RABGAP1: variants seen among roughly 807,000 people sequenced by gnomAD.
RABGAP1 encodes rab GTPase-activating protein 1.
In RABGAP1, 23 loss-of-function variants were observed where a neutral mutation model predicts 137.6. The observed-to-expected ratio is 0.17, with a 90% CI of 0.12 to 0.24. The LOEUF (loss-of-function observed/expected upper bound fraction) is 0.24. Ranked by LOEUF, RABGAP1 falls within the 10% of genes least tolerant of loss-of-function variation. The probability of loss-of-function intolerance (pLI) is 1.00; values close to 1 mark genes in which losing one functional copy is unlikely to be tolerated. For synonymous variants in RABGAP1, 451 were observed against 450.7 expected, an observed-to-expected ratio of 1.00 and a Z score of -0.01; for missense variants, 906 against 1,275.8, an observed-to-expected ratio of 0.71 and a Z score of 4.42.
upstream of RABGAP1, chr9:122,939,881 C>G (rs1833464384): frequency 6.6e-6 from 1 of 152,166 alleles, no homozygotes; most frequent in Non-Finnish European, 1.5e-5. Context: ...TCTGGTTGAT[C>G]GGGATGCATT....
At chr9:123,084,366 C>T (rs988515227) in intron 19 of RABGAP1, among the ~76,000 whole-genome samples, 13 of 152,150 alleles carry the variant, frequency 8.5e-5, no homozygotes, top group South Asian at 4.1e-4. Context: ...GCAATGAAGA[C>T]TTTGGAGTCA....
intron 21 of RABGAP1, among the ~76,000 whole-genome samples, chr9:123,092,729 T>G (rs2035067289): frequency 6.6e-6 from 1 of 152,218 alleles, no homozygotes; most frequent in Non-Finnish European, 1.5e-5. Context: ...TTTCTATATA[T>G]TATCAAATCC....
intron 12 of RABGAP1, among the ~76,000 whole-genome samples, chr9:123,018,234 C>G (rs1205794754): frequency 6.6e-6 from 1 of 152,028 alleles, no homozygotes; most frequent in Non-Finnish European, 1.5e-5. Flanking sequence ...GACCTCGTGA[C>G]AAGTTCATTT....
At chr9:123,060,176 C>T (rs142616050) in intron 13 of RABGAP1, among the ~76,000 whole-genome samples, 3 of 152,190 alleles carry the variant, frequency 2.0e-5, no homozygotes, top group Admixed American at 6.5e-5. Flanking sequence ...AATAAACATA[C>T]ACCTTATGTG....
intron 13 of RABGAP1, among the ~76,000 whole-genome samples, chr9:123,064,427 A>G (rs1350407177): frequency 6.6e-6 from 1 of 152,248 alleles, no homozygotes; most frequent in Non-Finnish European, 1.5e-5. Flanking sequence ...CCTTCGGAAC[A>G]TGATTACCCA....
intron 10 of RABGAP1, among the ~76,000 whole-genome samples, chr9:123,004,580 G>A (rs2030043608): frequency 6.6e-6 from 1 of 152,094 alleles, no homozygotes; most frequent in Non-Finnish European, 1.5e-5. Flanking sequence ...ACTATGCCCA[G>A]CCAATAACTA....
In RABGAP1 at chr9:122,990,354, AATACATAAATTTAAC is replaced by A. The variant is rs138279681; in HGVS notation, c.923+143_923+157del. 1.8e-3 allele frequency: 1,175 copies of A among 649,652 alleles called. 10 individuals are homozygous for A. The African/African-American group carries it at 0.02, about 11-fold the overall frequency. The allele number at this position is 649,652 out of a possible 1,614,324, so 40.2% of individuals were successfully genotyped here. A position where few individuals can be genotyped will look rare whatever the true frequency, so the allele number is the denominator to read the frequency against. On this transcript the variant is annotated intron_variant, in intron 6 of 25. Coordinates refer to ENST00000373647, the MANE Select transcript of RABGAP1 (RefSeq NM_012197.4). ...AAAATCTGGATGATAAAGGCATATA[AATACATAAATTTAAC>A]AGAGGCAAAGTTTGAAGAATTTTAA...
In RABGAP1 at chr9:122,989,200, C is replaced by A. The variant is rs1482822538; in HGVS notation, c.591-97C>A. 4 of 1,120,824 alleles carry A rather than the reference C, an allele frequency of 3.6e-6. No individual in the cohort carries two copies. The African/African-American group carries it at 6.2e-5, about 17-fold the overall frequency. 69.4% of individuals were successfully genotyped at this position (1,120,824 alleles called of 1,614,324 possible). On this transcript the variant is annotated intron_variant, in intron 4 of 25. Coordinates refer to ENST00000373647, the MANE Select transcript of RABGAP1 (RefSeq NM_012197.4). ...AATATCAGCATACCAAATATATGAT[C>A]TTCTTACTAGAAAGAATGAGTCTCA...
At chr9:122,935,368 C>T in the RABGAP1 span, among the ~76,000 whole-genome samples, 1 of 151,862 alleles carries the variant, frequency 6.6e-6, no homozygotes, top group African/African-American at 2.4e-5. Context: ...GAGACAGTCT[C>T]GCTCTGTCAC....
chr9:123,012,582 TA>T (rs1415337411), intron 11 of RABGAP1, among the ~76,000 whole-genome samples: 1 of 152,232 alleles, frequency 6.6e-6, no homozygotes, highest in African/African-American at 2.4e-5. Context: ...AGAAGGCCTC[TA>T]CTGATAGTTC....
At chr9:123,047,572 A>G (rs983343663) in intron 13 of RABGAP1, among the ~76,000 whole-genome samples, 1 of 152,140 alleles carries the variant, frequency 6.6e-6, no homozygotes, top group African/African-American at 2.4e-5. Context: ...TTATACTTCT[A>G]AAATAAGATA....
chr9:122,990,231 A>T lies in RABGAP1; in HGVS notation c.923+18A>T. The T allele has an allele frequency of 6.4e-7, 1 of 1,569,956 alleles. No individual in the cohort carries two copies. The highest frequency in any genetic ancestry group is 8.7e-7 in the Non-Finnish European group (1 of 1,144,276). ...TATTTTAGGTAGGGAATCTTATTTTATTCATGTATTAACATGCTGTGGTTC... is the reference window on the plus strand; with the variant it reads ...TATTTTAGGTAGGGAATCTTATTTTTTTCATGTATTAACATGCTGTGGTTC... On this transcript the variant is annotated intron_variant, in intron 6 of 25. Coordinates refer to ENST00000373647, the MANE Select transcript of RABGAP1 (RefSeq NM_012197.4).
chr9:122,999,059 G>A (rs1837189810), intron 10 of RABGAP1, among the ~76,000 whole-genome samples: 1 of 152,070 alleles, frequency 6.6e-6, no homozygotes, highest in African/African-American at 2.4e-5. Context: ...AGATGAAAAT[G>A]TCTGTTTTTG....
chr9:122,950,466 G>A (rs187923973), intron 1 of RABGAP1, among the ~76,000 whole-genome samples: 69 of 146,526 alleles, frequency 4.7e-4, no homozygotes, highest in African/African-American at 1.3e-3. Context: ...CTGCTGACGC[G>A]TGGGGATTAA....
At position 122,984,684 on chromosome 9, in the gene RABGAP1, C is replaced by T. The variant is rs1377747406; in HGVS notation, c.350C>T (p.Pro117Leu). 5 of 1,614,154 alleles carry T rather than the reference C, an allele frequency of 3.1e-6. No homozygotes were observed. Among genetic ancestry groups the T allele is most frequent in the Non-Finnish European group, 4.2e-6 (5 of 1,179,994 alleles). Residue 117 changes from proline (P) to leucine (L), a missense_variant, in exon 3 of 26, where the codon CCA (proline) becomes CTA (leucine). Around this residue, in one of 9 missense-constraint regions of RABGAP1, gnomAD observed 331 missense variants for 358.3 expected, o/e 0.92. Transcript: ENST00000373647. ...GTGCCATTAGTAGGGCTCCAAAAAC[C>T]AGAGATGAGCCTACCAGTGAAACCT... ...NPVPLVGLQK[P>L]EMSLPVKPGQ... is the part of the protein sequence containing the mutation.
At chr9:122,962,520 TA>T (rs199690166) in intron 2 of RABGAP1, among the ~76,000 whole-genome samples, 61 of 148,960 alleles carry the variant, frequency 4.1e-4, no homozygotes, top group Middle Eastern at 3.4e-3. Context: ...GACTCTCTCT[TA>T]AAAAAAAAAA....
chr9:123,056,415 T>C (rs1358852512), intron 13 of RABGAP1, among the ~76,000 whole-genome samples: 1 of 152,142 alleles, frequency 6.6e-6, no homozygotes, highest in Non-Finnish European at 1.5e-5. Flanking sequence ...TGGTACAACT[T>C]TTCTGGAGGA....
At chr9:123,099,573 GA>G in intron 24 of RABGAP1, 24 bp downstream of exon 24, 3 of 1,562,060 alleles carry the variant, frequency 1.9e-6, no homozygotes, top group Non-Finnish European at 2.6e-6. Flanking sequence ...TTACCTAAAA[GA>G]TTTTATACCA....
intron 13 of RABGAP1, among the ~76,000 whole-genome samples, chr9:123,048,248 A>G (rs761536317): frequency 6.6e-6 from 1 of 152,106 alleles, no homozygotes; most frequent in African/African-American, 2.4e-5. Context: ...CAACTGCTGT[A>G]TATTTTTGCT....
Sources: gnomAD v4.1 joint callset for allele counts (sites outside exome capture counted in the v4.1 genomes callset) on GRCh38, gnomAD v4.1.1 for gene constraint, gnomAD v4.1.1 regional missense constraint, MANE v1.5 for transcripts, NCBI Gene and HGNC (gene_info 2026-07-23, HGNC 2026-07-21) for gene names.